The following SLC13A1 variants were observed in gnomAD, a reference collection of about 807,000 sequenced individuals.
SLC13A1 encodes Na(+)/sulfate cotransporter.
In SLC13A1, 65 loss-of-function variants were observed where a neutral mutation model predicts 70.0. The ratio of observed to expected loss-of-function variants is 0.93; its 90% confidence interval spans 0.76 to 1.14. The LOEUF is 1.14. SLC13A1 is among the 50% of genes most tolerant of loss of function. SLC13A1 has a pLI of 0.00. For missense variants in SLC13A1, 726 were observed against 717.8 expected (o/e 1.01, Z -0.13); for synonymous variants, 275 against 250.5 (o/e 1.10, Z -0.92).
intron 2 of SLC13A1, among the ~76,000 whole-genome samples, chr7:123,180,032 T>A (rs1795587626): frequency 6.6e-6 from 1 of 152,056 alleles, no homozygotes; most frequent in Non-Finnish European, 1.5e-5. Context: ...GGAACTGAAG[T>A]ACAGCCCTGG....
rs780279061 is a variant in SLC13A1, at chr7:123,168,493, G to A, written c.611+11C>T. 6.2e-7 allele frequency: 1 copy of A among 1,606,140 alleles called. No individual in the cohort carries two copies. Among genetic ancestry groups the A allele is most frequent in the South Asian group, 1.1e-5 (1 of 89,928 alleles). ...TGGAAAAATCCCAATCAAAATGTCAGTATTCCTTACCCTGGAACTGGTTTT... is the reference window on the plus strand; with the variant it reads ...TGGAAAAATCCCAATCAAAATGTCAATATTCCTTACCCTGGAACTGGTTTT... On this transcript the variant is annotated intron_variant, in intron 5 of 14. Transcript: ENST00000194130.
chr7:123,116,067 T>C (rs1793170914), intron 14 of SLC13A1, among the ~76,000 whole-genome samples: 1 of 152,332 alleles, frequency 6.6e-6, no homozygotes, highest in South Asian at 2.1e-4. Context: ...AGTTTTGTGG[T>C]TTTATATTTC....
At chr7:123,177,909 C>T (rs1412418599) in intron 2 of SLC13A1, among the ~76,000 whole-genome samples, 6 of 152,098 alleles carry the variant, frequency 3.9e-5, no homozygotes, top group South Asian at 4.2e-4. Flanking sequence ...AAATATTTTG[C>T]CTGTTTTTAT....
At chr7:123,160,982 G>T (rs1794874202) in intron 6 of SLC13A1, among the ~76,000 whole-genome samples, 1 of 151,784 alleles carries the variant, frequency 6.6e-6, no homozygotes, top group Non-Finnish European at 1.5e-5. Context: ...GTAAAGGTCA[G>T]ATTTTAAAAA....
intron 2 of SLC13A1, among the ~76,000 whole-genome samples, chr7:123,175,473 G>A (rs1264326099): frequency 6.6e-6 from 1 of 151,990 alleles, no homozygotes; most frequent in African/African-American, 2.4e-5. Context: ...TCATATGTTG[G>A]CACCTAAAAG....
At chr7:123,188,659 A>G (rs1021618473) in intron 1 of SLC13A1, among the ~76,000 whole-genome samples, 2 of 151,724 alleles carry the variant, frequency 1.3e-5, no homozygotes, top group African/African-American at 4.8e-5. Flanking sequence ...TAGATTCTTA[A>G]TATTATTTCT....
At chr7:123,168,320 C>T (rs1795138596) in intron 6 of SLC13A1, 54 bp downstream of exon 6, 1 of 1,187,788 alleles carries the variant, frequency 8.4e-7, no homozygotes. Flanking sequence ...TATCTAACTA[C>T]AGCTCTAATA....
chr7:123,180,958 G>A lies in SLC13A1; in HGVS notation c.228+15C>T. ...AAACAGGAAATCAACTTATGACATTGGCAAGAGGACTTACCTTCTTAGAAG... is the reference window on the plus strand; with the variant it reads ...AAACAGGAAATCAACTTATGACATTAGCAAGAGGACTTACCTTCTTAGAAG... On this transcript the variant is annotated intron_variant, in intron 2 of 14. Coordinates refer to ENST00000194130, the MANE Select transcript of SLC13A1 (RefSeq NM_022444.4). The A allele has an allele frequency of 6.2e-7, 1 of 1,602,280 alleles. No homozygotes were observed. The highest frequency in any genetic ancestry group is 2.2e-5 in the East Asian group (1 of 44,584).
intron 6 of SLC13A1, among the ~76,000 whole-genome samples, chr7:123,166,591 G>A (rs1410725709): frequency 2.0e-5 from 3 of 151,930 alleles, no homozygotes; most frequent in Admixed American, 6.6e-5. Flanking sequence ...TCCCCTTCCT[G>A]TGCCCATGTG....
chr7:123,179,934 C>T (rs1795585168), intron 2 of SLC13A1, among the ~76,000 whole-genome samples: 1 of 152,052 alleles, frequency 6.6e-6, no homozygotes, highest in Non-Finnish European at 1.5e-5. Context: ...TATTGAAAGC[C>T]ATATAGCATG....
chr7:123,164,286 T>C (rs889129734), intron 6 of SLC13A1, among the ~76,000 whole-genome samples: 1 of 151,994 alleles, frequency 6.6e-6, no homozygotes, highest in African/African-American at 2.4e-5. Context: ...TTTCTACTTA[T>C]TGAGAATTTT....
intron 6 of SLC13A1, among the ~76,000 whole-genome samples, chr7:123,162,400 G>C (rs1010628887): frequency 2.6e-5 from 4 of 152,076 alleles, no homozygotes; most frequent in Non-Finnish European, 5.9e-5. Context: ...CACGTTCACA[G>C]ATTGTTGCTG....
intron 7 of SLC13A1, among the ~76,000 whole-genome samples, chr7:123,142,192 G>T (rs1330428609): frequency 2.0e-5 from 3 of 152,002 alleles, no homozygotes; most frequent in Non-Finnish European, 2.9e-5. Context: ...CTTTCCAAAG[G>T]CAGTGAAAGC....
chr7:123,133,674 A>G (rs1364519362), intron 8 of SLC13A1, among the ~76,000 whole-genome samples: 1 of 151,554 alleles, frequency 6.6e-6, no homozygotes, highest in African/African-American at 2.4e-5. Flanking sequence ...AGTAGCTGGG[A>G]CTACCCGCCA....
At chr7:123,120,959 T>C (rs1793357407) in intron 12 of SLC13A1, among the ~76,000 whole-genome samples, 1 of 152,110 alleles carries the variant, frequency 6.6e-6, no homozygotes, top group Non-Finnish European at 1.5e-5. Flanking sequence ...GGGTACTCAG[T>C]AGCTCTCTCA....
chr7:123,156,811 G>C (rs1259046280), intron 6 of SLC13A1, among the ~76,000 whole-genome samples: 1 of 152,052 alleles, frequency 6.6e-6, no homozygotes, highest in African/African-American at 2.4e-5. Flanking sequence ...CCTTCTCAAG[G>C]CCTCATTCTT....
At chr7:123,155,832 C>T (rs1263947035) in intron 6 of SLC13A1, among the ~76,000 whole-genome samples, 2 of 152,076 alleles carry the variant, frequency 1.3e-5, no homozygotes, top group African/African-American at 4.8e-5. Context: ...GCTCCTGGAC[C>T]AGTGTAGGTA....
chr7:123,129,361 TGTGTGTGTG>T lies in SLC13A1; in HGVS notation c.1031+13_1031+21del. ...GTGTGTGTGTGTGTGTGTGTGTGTG[TGTGTGTGTG>T]TGTTTGTCTTACCTTATTGGCCCAA... On this transcript the variant is annotated intron_variant, in intron 9 of 14. Transcript: ENST00000194130. 1 of 1,205,762 alleles carries T rather than the reference TGTGTGTGTG, an allele frequency of 8.3e-7. No individual in the cohort carries two copies. The highest frequency in any genetic ancestry group is 1.2e-6 in the Non-Finnish European group (1 of 836,298). 74.7% of individuals were successfully genotyped at this position (1,205,762 alleles called of 1,614,324 possible).
chr7:123,178,033 C>CTCTCTCTCTCTCTCTATATA (rs761704605), intron 2 of SLC13A1, among the ~76,000 whole-genome samples: 3 of 149,958 alleles, frequency 2.0e-5, no homozygotes, highest in African/African-American at 7.4e-5. Flanking sequence ...CTCTCTCTCT[C>CTCTCTCTCTCTCTCTATATA]TATATATATA....
Sources: gnomAD v4.1 joint callset for allele counts (sites outside exome capture counted in the v4.1 genomes callset) on GRCh38, gnomAD v4.1.1 for gene constraint, MANE v1.5 for transcripts, NCBI Gene and HGNC (gene_info 2026-07-23, HGNC 2026-07-21) for gene names.